ASTN2: variants seen among roughly 807,000 people sequenced by gnomAD.
The protein encoded by ASTN2 is astrotactin 2, also known as astrotactin-2.
In ASTN2, 54 loss-of-function variants were observed where a neutral mutation model predicts 139.8. That is an observed-to-expected ratio of 0.39 (90% CI 0.31 to 0.48). The LOEUF (loss-of-function observed/expected upper bound fraction) is 0.48, where lower values mean the gene tolerates loss of function less well. Among genes scored for constraint, ASTN2 ranks in the 20% least tolerant of loss-of-function variants. The probability of loss-of-function intolerance (pLI) is 0.95; values close to 1 mark genes in which losing one functional copy is unlikely to be tolerated. For synonymous variants in ASTN2, 756 were observed against 719.5 expected, an observed-to-expected ratio of 1.05 and a Z score of -0.81; for missense variants, 1,565 against 1,725.1, an observed-to-expected ratio of 0.91 and a Z score of 1.64.
chr9:117,065,102 G>C (rs766618530), intron 5 of ASTN2, among the ~76,000 whole-genome samples: 17 of 152,112 alleles, frequency 1.1e-4, no homozygotes, highest in Non-Finnish European at 2.2e-4. Context: ...ACAGGGATTG[G>C]AGCAATGCAC....
chr9:116,776,815 A>G (rs1003034974), intron 13 of ASTN2, among the ~76,000 whole-genome samples: 3 of 152,164 alleles, frequency 2.0e-5, no homozygotes, highest in African/African-American at 7.2e-5. Flanking sequence ...GTCAATATTG[A>G]GTAAAATAAT....
At chr9:117,297,422 C>G (rs761202615) in intron 1 of ASTN2, among the ~76,000 whole-genome samples, 1 of 152,192 alleles carries the variant, frequency 6.6e-6, no homozygotes, top group Non-Finnish European at 1.5e-5. Context: ...AATACTCATG[C>G]CCTTTTTCAT....
At chr9:116,545,300 G>T (rs1250974183) in intron 19 of ASTN2, among the ~76,000 whole-genome samples, 1 of 152,222 alleles carries the variant, frequency 6.6e-6, no homozygotes, top group Non-Finnish European at 1.5e-5. Context: ...CCTAAAATGT[G>T]TTGTTCTCAA....
At chr9:116,475,698 C>A (rs1848956817) in intron 20 of ASTN2, among the ~76,000 whole-genome samples, 1 of 152,204 alleles carries the variant, frequency 6.6e-6, no homozygotes, top group Non-Finnish European at 1.5e-5. Flanking sequence ...CCTGCTTCCT[C>A]TCCTCTAGGC....
intron 19 of ASTN2, among the ~76,000 whole-genome samples, chr9:116,535,374 A>G (rs926870507): frequency 1.3e-5 from 2 of 152,088 alleles, no homozygotes; most frequent in Admixed American, 1.3e-4. Context: ...TAAGGTTAAT[A>G]TTGTTATATG....
chr9:116,844,610 A>C (rs1435649428), intron 11 of ASTN2, among the ~76,000 whole-genome samples: 4 of 152,194 alleles, frequency 2.6e-5, no homozygotes, highest in Middle Eastern at 3.2e-3. Flanking sequence ...AAAAAAAAAA[A>C]AACAAAAAGT....
chr9:116,614,989 A>G (rs955275350), intron 19 of ASTN2, among the ~76,000 whole-genome samples: 2 of 152,236 alleles, frequency 1.3e-5, no homozygotes, highest in Non-Finnish European at 2.9e-5. Flanking sequence ...CAATAGGCTA[A>G]TATCCAGAAT....
chr9:116,987,945 T>C (rs1836733011), intron 7 of ASTN2, among the ~76,000 whole-genome samples: 1 of 152,216 alleles, frequency 6.6e-6, no homozygotes, highest in Non-Finnish European at 1.5e-5. Context: ...GAATGATTCA[T>C]ATCCTGGTGG....
intron 16 of ASTN2, among the ~76,000 whole-genome samples, chr9:116,667,608 C>T (rs16933811): frequency 0.042 from 6,399 of 152,110 alleles, 474 homozygotes; most frequent in African/African-American, 0.15. Flanking sequence ...TGAGAAAAGA[C>T]GGCTGCCAGA....
At chr9:116,802,613 C>T (rs1198891089) in intron 13 of ASTN2, among the ~76,000 whole-genome samples, 1 of 152,226 alleles carries the variant, frequency 6.6e-6, no homozygotes, top group Non-Finnish European at 1.5e-5. Flanking sequence ...CTTCACACAA[C>T]AGAATGGTAC....
At chr9:116,807,758 A>T (rs539605766) in intron 12 of ASTN2, among the ~76,000 whole-genome samples, 2 of 152,190 alleles carry the variant, frequency 1.3e-5, no homozygotes, top group South Asian at 2.1e-4. Context: ...CACCCTCCAC[A>T]CATACCCACA....
At chr9:117,134,339 C>T (rs1360705) in intron 4 of ASTN2, among the ~76,000 whole-genome samples, 132,156 of 139,042 alleles carry the variant, frequency 0.95, 63,006 homozygotes, top group Non-Finnish European at 0.98. Context: ...CACACACACA[C>T]GCCTGTGTTC....
At chr9:117,241,713 A>T (rs149384316) in intron 2 of ASTN2, among the ~76,000 whole-genome samples, 1 of 152,286 alleles carries the variant, frequency 6.6e-6, no homozygotes, top group East Asian at 1.9e-4. Context: ...CAGGCCACAG[A>T]CTGTACTGGT....
chr9:117,068,895 CTCTT>C (rs778770760), intron 5 of ASTN2, among the ~76,000 whole-genome samples: 21,739 of 107,232 alleles, frequency 0.2, 2,187 homozygotes, highest in African/African-American at 0.33. Context: ...TGATTCTTCT[CTCTT>C]TTTTTCTTTA....
At chr9:116,790,950 G>GA (rs1288556653) in intron 13 of ASTN2, among the ~76,000 whole-genome samples, 14 of 138,474 alleles carry the variant, frequency 1.0e-4, no homozygotes, top group East Asian at 4.1e-4. Context: ...AAGAAAGAAA[G>GA]AAAGAAAAGA....
chr9:117,167,273 T>G (rs1383993535), intron 3 of ASTN2, among the ~76,000 whole-genome samples: 4 of 151,796 alleles, frequency 2.6e-5, no homozygotes, highest in Non-Finnish European at 5.9e-5. Flanking sequence ...ACCAAAACCT[T>G]TTTTTTCAAA....
At chr9:116,596,335 G>A (rs1031376022) in intron 19 of ASTN2, among the ~76,000 whole-genome samples, 4 of 152,180 alleles carry the variant, frequency 2.6e-5, no homozygotes, top group East Asian at 1.9e-4. Flanking sequence ...TATGCAAAAC[G>A]AATATGTTCT....
intron 19 of ASTN2, among the ~76,000 whole-genome samples, chr9:116,577,668 T>C (rs1348149155): frequency 6.6e-6 from 1 of 152,204 alleles, no homozygotes; most frequent in Non-Finnish European, 1.5e-5. Context: ...GAAAAGTACT[T>C]AGTTTATGCC....
intron 2 of ASTN2, among the ~76,000 whole-genome samples, chr9:117,240,764 G>T (rs1047911163): frequency 3.3e-5 from 5 of 152,122 alleles, no homozygotes; most frequent in Admixed American, 3.3e-4. Flanking sequence ...TCCTCATTTT[G>T]TAGATGGAGT....
Sources: gnomAD v4.1 joint callset for allele counts (sites outside exome capture counted in the v4.1 genomes callset) on GRCh38, gnomAD v4.1.1 for gene constraint, MANE v1.5 for transcripts, NCBI Gene and HGNC (gene_info 2026-07-23, HGNC 2026-07-21) for gene names.